FAM162B: variants seen among roughly 807,000 people sequenced by gnomAD.
FAM162B encodes protein FAM162B.
In FAM162B, 16 loss-of-function variants were observed where a neutral mutation model predicts 20.0. The observed-to-expected ratio is 0.80, with a 90% CI of 0.54 to 1.21. The LOEUF (loss-of-function observed/expected upper bound fraction) is 1.21. Among genes scored for constraint, FAM162B ranks in the 50% most tolerant of loss-of-function variants. The pLI is 0.00. For missense variants in FAM162B, 260 were observed against 227.5 expected (o/e 1.14, Z -0.92); for synonymous variants, 83 against 89.7 (o/e 0.93, Z 0.42).
chr6:116,764,184 T>G (rs569227636), intron 2 of FAM162B, among the ~76,000 whole-genome samples: 1 of 152,280 alleles, frequency 6.6e-6, no homozygotes, highest in East Asian at 1.9e-4. Flanking sequence ...GCAGGCACCA[T>G]GTGAAAAACA....
At chr6:116,755,263 T>C (rs1176248898) in intron 3 of FAM162B, among the ~76,000 whole-genome samples, 1 of 152,212 alleles carries the variant, frequency 6.6e-6, no homozygotes, top group African/African-American at 2.4e-5. Flanking sequence ...AGTGAACACC[T>C]AAATAAAGTG....
intron 3 of FAM162B, among the ~76,000 whole-genome samples, chr6:116,753,449 A>C (rs1780014292): frequency 6.6e-6 from 1 of 152,150 alleles, no homozygotes; most frequent in Admixed American, 6.6e-5. Context: ...GGAGTGCTCC[A>C]ATTTGGCTGT....
intron 2 of FAM162B, among the ~76,000 whole-genome samples, chr6:116,764,803 C>A (rs951262809): frequency 1.3e-5 from 2 of 152,182 alleles, no homozygotes; most frequent in African/African-American, 4.8e-5. Flanking sequence ...GGCAGCCATC[C>A]GGATGCTCGC....
In FAM162B at chr6:116,762,065, G is replaced by A. The variant is rs1321362336; in HGVS notation, c.302C>T (p.Ala101Val). ...AGCTTTCACTCGAGCTTTGTTTCTT[G>A]CGGTGTCTATCATTTCTGGCCTAAA... ...PRIPPEMIDTARNKARVKACY... is the reference protein window; with the variant it reads ...PRIPPEMIDTVRNKARVKACY... Residue 101 changes from alanine to valine, a missense_variant, in exon 3 of 4, where the codon GCA becomes GTA. By Grantham distance (64) the Ala-to-Val change is moderately conservative. Coordinates refer to ENST00000368557, the MANE Select transcript of FAM162B (RefSeq NM_001085480.3). The A allele has an allele frequency of 6.3e-7, 1 of 1,589,426 alleles. No homozygotes were observed. The highest frequency in any genetic ancestry group is 1.3e-5 in the African/African-American group (1 of 74,678).
intron 3 of FAM162B, among the ~76,000 whole-genome samples, chr6:116,757,158 G>C (rs544151303): frequency 6.6e-6 from 1 of 152,198 alleles, no homozygotes; most frequent in South Asian, 2.1e-4. Flanking sequence ...AGAAATTACT[G>C]GGCATATTTC....
intron 3 of FAM162B, among the ~76,000 whole-genome samples, chr6:116,760,797 A>G (rs1034149647): frequency 1.4e-4 from 22 of 152,234 alleles, no homozygotes; most frequent in African/African-American, 4.8e-4. Flanking sequence ...AAGGACATTT[A>G]TATAATATCA....
intron 1 of FAM162B, 61 bp from the exon 2 acceptor site, chr6:116,765,316 C>T: frequency 6.4e-7 from 1 of 1,573,260 alleles, no homozygotes; most frequent in Non-Finnish European, 8.6e-7. Context: ...AGGATCAGCG[C>T]GCCCTCAAGC....
chr6:116,752,477 G>A lies in FAM162B; in HGVS notation c.*120C>T. 2.3e-6 allele frequency: 1 copy of A among 425,610 alleles called. No individual in the cohort carries two copies. The allele number at this position is 425,610 out of a possible 1,614,324, so 26.4% of individuals were successfully genotyped here. A position where few individuals can be genotyped will look rare whatever the true frequency, so the allele number is the denominator to read the frequency against. On this transcript the variant is annotated 3_prime_UTR_variant, in exon 4 of 4. Transcript: ENST00000368557. ...AAAATAAAAATAAAAAAGACATTGT[G>A]CTTCTTGTTACCAAAATAAAACCAT...
At chr6:116,759,586 C>T (rs926080488) in intron 3 of FAM162B, among the ~76,000 whole-genome samples, 1 of 151,986 alleles carries the variant, frequency 6.6e-6, no homozygotes, top group Non-Finnish European at 1.5e-5. Flanking sequence ...GGATTACAGG[C>T]GTGAGCCACC....
intron 3 of FAM162B, among the ~76,000 whole-genome samples, chr6:116,754,675 ACTTT>A (rs768123427): frequency 4.2e-4 from 61 of 145,102 alleles, no homozygotes; most frequent in Non-Finnish European, 7.3e-4. Context: ...CTTTATTGTG[ACTTT>A]CTTTCTTTCT....
At chr6:116,764,172 T>A (rs1771859108) in intron 2 of FAM162B, among the ~76,000 whole-genome samples, 1 of 152,172 alleles carries the variant, frequency 6.6e-6, no homozygotes, top group African/African-American at 2.4e-5. Flanking sequence ...AACAATAACA[T>A]GGCAGGCACC....
rs978443453 is a variant in FAM162B, at chr6:116,765,701, C to T, written c.-125G>A. 9.1e-7 allele frequency: 1 copy of T among 1,104,558 alleles called. No individual in the cohort carries two copies. Among genetic ancestry groups the T allele is most frequent in the Non-Finnish European group, 1.1e-6 (1 of 872,502 alleles). The allele number at this position is 1,104,558 out of a possible 1,614,324, so 68.4% of individuals were successfully genotyped here. ...AGAGCCTGGGACGTGCAGCTGGAAC[C>T]CCTGGCGCTCGCACACTCAGCTCGC... On this transcript the variant is annotated 5_prime_UTR_variant, in exon 1 of 4. Transcript: ENST00000368557.
intron 2 of FAM162B, among the ~76,000 whole-genome samples, chr6:116,762,998 A>AG (rs113820950): frequency 6.6e-6 from 1 of 151,768 alleles, no homozygotes; most frequent in Admixed American, 6.6e-5. Context: ...TGAAAAAAAA[A>AG]ATCCAGAAAG....
chr6:116,754,508 C>T (rs1780030649), intron 3 of FAM162B, among the ~76,000 whole-genome samples: 1 of 152,122 alleles, frequency 6.6e-6, no homozygotes, highest in Admixed American at 6.6e-5. Flanking sequence ...GAACACATTT[C>T]ATCTTTTTTT....
chr6:116,754,332 G>A (rs1207281570), intron 3 of FAM162B, among the ~76,000 whole-genome samples: 1 of 152,116 alleles, frequency 6.6e-6, no homozygotes, highest in African/African-American at 2.4e-5. Context: ...TGATTCGGCA[G>A]AAGAAAATAT....
chr6:116,765,151 T>A lies in FAM162B; in HGVS notation c.277A>T (p.Ile93Phe), dbSNP rs1357002619. ...FKSMEEIPPR[I>F]PPEMIDTARN... ...CGCGGCGGTCGCCACACTTACGGGA[T>A]CCGAGGCGGGATCTCCTCCATCGAT... The change falls in exon 2 of 4, where the codon ATC becomes TTC. Residue 93 changes from isoleucine (I) to phenylalanine (F), a missense_variant. Ile to Phe is a conservative substitution (Grantham distance 21). Coordinates refer to ENST00000368557, the MANE Select transcript of FAM162B (RefSeq NM_001085480.3). 1.2e-6 allele frequency: 2 copies of A among 1,613,058 alleles called. No individual in the cohort carries two copies. Among genetic ancestry groups the A allele is most frequent in the African/African-American group, 2.7e-5 (2 of 74,848 alleles).
At position 116,757,754 on chromosome 6, in the gene FAM162B, C is replaced by CAAA. The variant is rs36020350; in HGVS notation, c.390+4220_390+4222dup. Among the ~76,000 whole-genome samples the CAAA allele has an allele frequency of 8.3e-3, 856 of 103,170 alleles. 15 individuals are homozygous for CAAA. The highest frequency in any genetic ancestry group is 0.044 in the South Asian group (133 of 3,034). The allele number at this position is 103,170 out of a possible 152,430, so 67.7% of individuals were successfully genotyped here. ...AGAGTGAGACCCTGTCCTCCTCCAC[C>CAAA]AAAAAAAAAAAAAAAAGGGGTGGGG... is the stretch of plus-strand genomic sequence containing the variant. On this transcript the variant is annotated intron_variant, in intron 3 of 3. Transcript: ENST00000368557.
rs776294542 is a variant in FAM162B at position 116,765,219 on chromosome 6, G to A, written c.209C>T (p.Ser70Leu). The change falls in exon 2 of 4, where the codon TCG becomes TTG. Residue 70 changes from serine (S) to leucine (L), a missense_variant. Ser to Leu is a moderately radical substitution (Grantham distance 145, BLOSUM62 -2). Coordinates refer to ENST00000368557, the MANE Select transcript of FAM162B (RefSeq NM_001085480.3). ...CAGCAGGATTTTCTTGTCGAACTGC[G>A]AAGGCCTGCGCTGCGTGGGGACTCG... ...IHRVPTQRRP[S>L]QFDKKILLWT... 1 of 1,613,888 alleles carries A rather than the reference G, an allele frequency of 6.2e-7. No individual in the cohort carries two copies. Among genetic ancestry groups the A allele is most frequent in the Non-Finnish European group, 8.5e-7 (1 of 1,179,960 alleles).
intron 3 of FAM162B, 61 bp from the exon 4 acceptor site, chr6:116,752,756 A>G: frequency 2.4e-6 from 1 of 408,784 alleles, no homozygotes; most frequent in Non-Finnish European, 3.3e-6. Context: ...ATATATATAT[A>G]TACATATATG....
Sources: gnomAD v4.1 joint callset for allele counts (sites outside exome capture counted in the v4.1 genomes callset) on GRCh38, gnomAD v4.1.1 for gene constraint, MANE v1.5 for transcripts, NCBI Gene and HGNC (gene_info 2026-07-23, HGNC 2026-07-21) for gene names.